Variants in ITFG1 observed in about 807,000 individuals in gnomAD.
ITFG1 encodes the protein integrin alpha FG-GAP repeat containing 1, also known as T-cell immunomodulatory protein.
ITFG1 carries 34 observed loss-of-function variants against 81.8 expected under a neutral mutation model. The observed-to-expected ratio is 0.42, with a 90% CI of 0.32 to 0.55. The LOEUF (loss-of-function observed/expected upper bound fraction) is 0.55. ITFG1 is among the 20% of genes least tolerant of loss of function. The probability of loss-of-function intolerance (pLI) is 0.17; values close to 1 mark genes in which losing one functional copy is unlikely to be tolerated. For missense variants in ITFG1, 672 were observed against 755.4 expected (o/e 0.89, Z 1.29); for synonymous variants, 285 against 270.6 (o/e 1.05, Z -0.52).
chr16:47,439,030 T>C (rs1036913064), intron 5 of ITFG1, among the ~76,000 whole-genome samples: 5 of 151,854 alleles, frequency 3.3e-5, no homozygotes, highest in East Asian at 1.9e-4. Flanking sequence ...GAGAACTACG[T>C]GACGAATGCA....
At chr16:47,404,952 C>T (rs1968709602) in intron 6 of ITFG1, among the ~76,000 whole-genome samples, 1 of 151,680 alleles carries the variant, frequency 6.6e-6, no homozygotes, top group Admixed American at 6.6e-5. Context: ...ATATTTTTTT[C>T]CCATTTTTTT....
intron 8 of ITFG1, among the ~76,000 whole-genome samples, chr16:47,320,066 C>T (rs945426905): frequency 8.5e-5 from 13 of 152,144 alleles, no homozygotes; most frequent in African/African-American, 1.9e-4. Flanking sequence ...GGATTATGGG[C>T]GTGTGCCACC....
Position 47,260,514 on chromosome 16 carries a change from C to T in ITFG1, c.1221+31G>A, listed in dbSNP as rs13331194. The T allele has an allele frequency of 9.1e-4, 1,457 of 1,607,830 alleles. 15 individuals carry two copies. In the African/African-American group the frequency reaches 0.017, roughly 19 times the overall value. ...TGTGACAAGGTGAAAGGCAATTAAA[C>T]TTCAAACACACAGCCCAGCTCTGAA... On this transcript the variant is annotated intron_variant, in intron 11 of 17. Coordinates refer to ENST00000320640, the MANE Select transcript of ITFG1 (RefSeq NM_030790.5).
At chr16:47,461,073 C>T (rs1179507370), upstream of ITFG1, 3 of 1,498,954 alleles carry the variant, frequency 2.0e-6, no homozygotes, top group Non-Finnish European at 2.7e-6. Context: ...CGCCCGCCGG[C>T]CCAACGCCGC....
At chr16:47,352,593 C>T (rs1260251254) in intron 8 of ITFG1, among the ~76,000 whole-genome samples, 2 of 152,126 alleles carry the variant, frequency 1.3e-5, no homozygotes, top group East Asian at 3.8e-4. Flanking sequence ...AAGAGGAACA[C>T]TTTTATACTG....
intron 11 of ITFG1, 24 bp downstream of exon 11, chr16:47,260,521 C>A: frequency 4.4e-6 from 7 of 1,608,806 alleles, no homozygotes; most frequent in Non-Finnish European, 6.0e-6. Context: ...AAACTTCAAA[C>A]ACACAGCCCA....
intron 12 of ITFG1, among the ~76,000 whole-genome samples, chr16:47,243,795 C>G (rs1186080536): frequency 6.6e-6 from 1 of 152,200 alleles, no homozygotes; most frequent in Non-Finnish European, 1.5e-5. Flanking sequence ...TAATCCAGCA[C>G]TATGGGAGGC....
chr16:47,202,055 C>G (rs886331262), intron 14 of ITFG1: 1 of 152,194 alleles, frequency 6.6e-6, no homozygotes, highest in Admixed American at 6.5e-5. Context: ...CAGATCAGAA[C>G]ATGCAGGGCT....
At chr16:47,287,273 G>A (rs1274953748) in intron 10 of ITFG1, among the ~76,000 whole-genome samples, 1 of 152,112 alleles carries the variant, frequency 6.6e-6, no homozygotes, top group Non-Finnish European at 1.5e-5. Flanking sequence ...TAGAGGTGGG[G>A]ATCTTGCTCT....
chr16:47,352,363 G>T (rs1291339337), intron 8 of ITFG1, among the ~76,000 whole-genome samples: 1 of 151,610 alleles, frequency 6.6e-6, no homozygotes, highest in East Asian at 1.9e-4. Context: ...AATTTACAAG[G>T]AAAAAACAAA....
intron 10 of ITFG1, among the ~76,000 whole-genome samples, chr16:47,296,857 C>G (rs539966469): frequency 1.2e-4 from 18 of 152,318 alleles, no homozygotes; most frequent in African/African-American, 3.6e-4. Context: ...TTTGTGGTAA[C>G]ATATGGTCTA....
intron 14 of ITFG1, among the ~76,000 whole-genome samples, chr16:47,173,391 C>T (rs1964983971): frequency 1.3e-5 from 2 of 152,070 alleles, no homozygotes; most frequent in African/African-American, 4.8e-5. Context: ...TAGAACAGGC[C>T]TAGCATATAT....
chr16:47,302,804 A>G (rs889607952), intron 10 of ITFG1, among the ~76,000 whole-genome samples: 2 of 152,200 alleles, frequency 1.3e-5, no homozygotes, highest in Admixed American at 1.3e-4. Context: ...ATCTTTTTAT[A>G]TCAAGTCTAA....
intron 6 of ITFG1, among the ~76,000 whole-genome samples, chr16:47,394,448 A>G (rs1968569782): frequency 6.6e-6 from 1 of 152,210 alleles, no homozygotes; most frequent in African/African-American, 2.4e-5. Context: ...CACTTTTTAA[A>G]GCTTTTTCAG....
chr16:47,337,415 C>T (rs777595651), intron 8 of ITFG1, among the ~76,000 whole-genome samples: 8 of 151,950 alleles, frequency 5.3e-5, no homozygotes, highest in Admixed American at 6.6e-5. Context: ...ACTAAAAATA[C>T]AAAACTTAGC....
At chr16:47,419,508 G>C (rs1042457542) in intron 6 of ITFG1, among the ~76,000 whole-genome samples, 1 of 151,758 alleles carries the variant, frequency 6.6e-6, no homozygotes, top group South Asian at 2.1e-4. Flanking sequence ...CTGACTTCAC[G>C]CGATCCACCC....
intron 8 of ITFG1, among the ~76,000 whole-genome samples, chr16:47,319,413 G>A (rs1300538812): frequency 6.6e-6 from 1 of 152,178 alleles, no homozygotes; most frequent in Non-Finnish European, 1.5e-5. Flanking sequence ...TGGAATAACA[G>A]TAGCTTGTCT....
At chr16:47,350,423 A>G (rs1257558819) in intron 8 of ITFG1, among the ~76,000 whole-genome samples, 6 of 152,238 alleles carry the variant, frequency 3.9e-5, no homozygotes, top group Non-Finnish European at 7.3e-5. Flanking sequence ...CCATCAGAGA[A>G]TACTATAAAC....
chr16:47,176,426 G>A (rs1178510098), intron 14 of ITFG1, among the ~76,000 whole-genome samples: 1 of 152,110 alleles, frequency 6.6e-6, no homozygotes, highest in Non-Finnish European at 1.5e-5. Context: ...TAACAGGAAT[G>A]GCAGAAGTTA....
Sources: allele counts gnomAD v4.1 joint callset (sites outside exome capture counted in the v4.1 genomes callset), GRCh38; gene constraint gnomAD v4.1.1; transcripts MANE v1.5; gene names NCBI Gene and HGNC (gene_info 2026-07-23, HGNC 2026-07-21).